The following GPR139 variants were observed in gnomAD, a reference collection of about 807,000 sequenced individuals.
GPR139 encodes probable G protein-coupled receptor 139.
Under a neutral mutation model 25.8 loss-of-function variants are expected in GPR139, and 12 were observed. That is an observed-to-expected ratio of 0.47 (90% confidence interval 0.30 to 0.75). The LOEUF (loss-of-function observed/expected upper bound fraction) is 0.75, where lower values mean the gene tolerates loss of function less well. Among genes scored for constraint, GPR139 ranks in the 30% least tolerant of loss-of-function variants. The pLI is 0.07. For missense variants in GPR139, 380 were observed against 450.2 expected (o/e 0.84, Z 1.41); for synonymous variants, 184 against 179.9 (o/e 1.02, Z -0.18).
At position 20,035,153 on chromosome 16, in the gene GPR139, G is replaced by GT. The variant is rs915656585; in HGVS notation, c.128-2485dup. ...GCTCCATATCCTCTCAGTATTACCA[G>GT]TTTTTTTTTAAAGTCTATACTGTTC... On this transcript the variant is annotated intron_variant, in intron 1 of 1. Coordinates refer to ENST00000570682, the MANE Select transcript of GPR139 (RefSeq NM_001002911.4). 2.8e-4 allele frequency among the ~76,000 whole-genome samples: 43 copies of GT among 151,564 alleles called. 1 individual carries two copies. The highest frequency in any genetic ancestry group is 6.3e-4 in the South Asian group (3 of 4,786).
chr16:20,047,723 C>T (rs1388107541), intron 1 of GPR139, among the ~76,000 whole-genome samples: 7 of 146,510 alleles, frequency 4.8e-5, no homozygotes, highest in African/African-American at 9.9e-5. Context: ...CATGTCCTAG[C>T]GTCATCTTAG....
chr16:20,031,650 A>G lies in GPR139; in HGVS notation c.*85T>C, dbSNP rs1378419732. 1 of 1,045,706 alleles carries G rather than the reference A, an allele frequency of 9.6e-7. No individual in the cohort carries two copies. The highest frequency in any genetic ancestry group is 2.4e-5 in the East Asian group (1 of 42,292). 64.8% of individuals were successfully genotyped at this position (1,045,706 alleles called of 1,614,324 possible). A position where few individuals can be genotyped will look rare whatever the true frequency, so the allele number is the denominator to read the frequency against. ...GACAGGAAATCGGATTAGCACTCTT[A>G]AGGAGAGCTGCTCAGCCATAGGATG... is the stretch of plus-strand genomic sequence containing the variant. On this transcript the variant is annotated 3_prime_UTR_variant, in exon 2 of 2. Coordinates refer to ENST00000570682, the MANE Select transcript of GPR139 (RefSeq NM_001002911.4).
At position 20,033,549 on chromosome 16, in the gene GPR139, A is replaced by G. The variant is rs532423996; in HGVS notation, c.128-880T>C. On this transcript the variant is annotated intron_variant, in intron 1 of 1. Transcript: ENST00000570682. ...TTCAGGAAAGAGACGGGACTATATA[A>G]CCTCTTAAGAACCTCTTCAGAGCTT... Among the ~76,000 whole-genome samples the G allele has an allele frequency of 2.6e-4, 40 of 152,208 alleles. 2 individuals carry two copies. The East Asian group carries it at 7.0e-3, about 26-fold the overall frequency.
chr16:20,043,658 G>A (rs1385761703), intron 1 of GPR139, among the ~76,000 whole-genome samples: 1 of 152,126 alleles, frequency 6.6e-6, no homozygotes, highest in African/African-American at 2.4e-5. Context: ...TTCAGAGAGG[G>A]TAAGCCACCT....
At chr16:20,043,772 A>C (rs2057344647) in intron 1 of GPR139, among the ~76,000 whole-genome samples, 1 of 152,172 alleles carries the variant, frequency 6.6e-6, no homozygotes, top group Non-Finnish European at 1.5e-5. Flanking sequence ...GTGTTTTCTC[A>C]GTTCTGGGAG....
At chr16:20,067,824 A>AAG (rs59246587) in intron 1 of GPR139, among the ~76,000 whole-genome samples, 1 of 151,312 alleles carries the variant, frequency 6.6e-6, no homozygotes, top group Non-Finnish European at 1.5e-5. Flanking sequence ...AAAAAAAAAA[A>AAG]GCATTGGAGT....
At chr16:20,064,521 G>A (rs140947687) in intron 1 of GPR139, among the ~76,000 whole-genome samples, 84 of 152,214 alleles carry the variant, frequency 5.5e-4, no homozygotes, top group African/African-American at 2.0e-3. Context: ...CAGCCTGGGC[G>A]ACACACTGGG....
At chr16:20,047,041 A>G (rs2057356548) in intron 1 of GPR139, among the ~76,000 whole-genome samples, 1 of 152,168 alleles carries the variant, frequency 6.6e-6, no homozygotes, top group African/African-American at 2.4e-5. Context: ...AAACAAAAAT[A>G]AAAACAAAAC....
At chr16:20,038,369 G>GTGTGTGTGTA (rs4028367) in intron 1 of GPR139, among the ~76,000 whole-genome samples, 35,786 of 132,768 alleles carry the variant, frequency 0.27, 5,991 homozygotes, top group Non-Finnish European at 0.35. Context: ...GTGTGTGTGT[G>GTGTGTGTGTA]TATTCTATAG....
Position 20,031,677 on chromosome 16 carries a change from G to A in GPR139, c.*58C>T, listed in dbSNP as rs913048492. Reference sequence around the variant, plus strand: ...GGAGAGCTGCTCAGCCATAGGATGGGACACCTTCCCATCTGGAAATGGATT... The same window carrying A: ...GGAGAGCTGCTCAGCCATAGGATGGAACACCTTCCCATCTGGAAATGGATT... On this transcript the variant is annotated 3_prime_UTR_variant, in exon 2 of 2. Coordinates refer to ENST00000570682, the MANE Select transcript of GPR139 (RefSeq NM_001002911.4). 44 of 1,383,644 alleles carry A rather than the reference G, an allele frequency of 3.2e-5. No individual in the cohort carries two copies. The Middle Eastern group carries it at 7.2e-4, about 23-fold the overall frequency. 85.7% of individuals were successfully genotyped at this position (1,383,644 alleles called of 1,614,324 possible).
Position 20,029,147 on chromosome 16 carries a change from C to T in GPR139, c.*2588G>A, listed in dbSNP as rs1445423640. On this transcript the variant is annotated 3_prime_UTR_variant, in exon 2 of 2. Coordinates refer to ENST00000570682, the MANE Select transcript of GPR139 (RefSeq NM_001002911.4). ...ACTACAGTGCCTTCAAGAATTGGAC[C>T]TCTTTTAAATATCATGTAGCAAAAT... 1.3e-5 allele frequency among the ~76,000 whole-genome samples: 2 copies of T among 152,082 alleles called. No homozygotes were observed. The highest frequency in any genetic ancestry group is 2.9e-5 in the Non-Finnish European group (2 of 68,006).
intron 1 of GPR139, among the ~76,000 whole-genome samples, chr16:20,052,709 A>G (rs2141209350): frequency 6.7e-6 from 1 of 150,362 alleles, no homozygotes; most frequent in East Asian, 2.1e-4. Context: ...AGGCAGGAGA[A>G]TGGCGTGAAC....
chr16:20,066,184 C>A (rs1017570932), intron 1 of GPR139, among the ~76,000 whole-genome samples: 1 of 152,212 alleles, frequency 6.6e-6, no homozygotes, highest in African/African-American at 2.4e-5. Context: ...AGACACCTGG[C>A]CACTATCATT....
At chr16:20,037,722 G>C (rs1364619189) in intron 1 of GPR139, among the ~76,000 whole-genome samples, 1 of 152,190 alleles carries the variant, frequency 6.6e-6, no homozygotes, top group Non-Finnish European at 1.5e-5. Flanking sequence ...GGTGACCCCA[G>C]CTCTGTCTGA....
At chr16:20,052,020 C>T (rs1405986902) in intron 1 of GPR139, among the ~76,000 whole-genome samples, 2 of 152,160 alleles carry the variant, frequency 1.3e-5, no homozygotes, top group Admixed American at 6.5e-5. Context: ...AATCTTGGCC[C>T]CTTTGCCAGT....
chr16:20,063,870 C>T (rs533388088), intron 1 of GPR139, among the ~76,000 whole-genome samples: 48 of 152,228 alleles, frequency 3.2e-4, no homozygotes, highest in African/African-American at 1.1e-3. Context: ...TAAAGACATA[C>T]CTGAGACTAG....
chr16:20,053,468 A>T (rs530497719), intron 1 of GPR139, among the ~76,000 whole-genome samples: 96 of 152,306 alleles, frequency 6.3e-4, no homozygotes, highest in African/African-American at 2.2e-3. Flanking sequence ...GCAAGTGAAA[A>T]ATCAAGGAAG....
At chr16:20,049,117 G>T (rs190618627) in intron 1 of GPR139, among the ~76,000 whole-genome samples, 1 of 152,318 alleles carries the variant, frequency 6.6e-6, no homozygotes, top group East Asian at 1.9e-4. Context: ...CCCCTGGAAA[G>T]CAGGGACTGT....
chr16:20,054,521 C>T (rs183557562), intron 1 of GPR139, among the ~76,000 whole-genome samples: 5 of 151,998 alleles, frequency 3.3e-5, no homozygotes, highest in East Asian at 1.9e-4. Flanking sequence ...AAAGCCCAGA[C>T]GTATCAGTAA....
Sources: gnomAD v4.1 joint callset for allele counts (sites outside exome capture counted in the v4.1 genomes callset) on GRCh38, gnomAD v4.1.1 for gene constraint, MANE v1.5 for transcripts, NCBI Gene and HGNC (gene_info 2026-07-23, HGNC 2026-07-21) for gene names.